NELL1: variants seen among roughly 807,000 people sequenced by gnomAD.
The protein encoded by NELL1 is neural EGFL like 1.
NELL1 carries 76 observed loss-of-function variants against 107.4 expected under a neutral mutation model. The ratio of observed to expected loss-of-function variants is 0.71; its 90% confidence interval spans 0.59 to 0.86. The LOEUF is 0.86. Ranked by LOEUF, NELL1 falls within the 40% of genes least tolerant of loss-of-function variation. NELL1 has a pLI of 0.00. For synonymous variants in NELL1, 353 were observed against 341.2 expected, an observed-to-expected ratio of 1.03 and a Z score of -0.38; for missense variants, 1,024 against 1,005.5, an observed-to-expected ratio of 1.02 and a Z score of -0.25.
At chr11:20,818,387 A>G (rs1406980967) in intron 3 of NELL1, among the ~76,000 whole-genome samples, 2 of 144,488 alleles carry the variant, frequency 1.4e-5, no homozygotes, top group South Asian at 2.2e-4. Context: ...TTCATCCCAT[A>G]TAAGAGAAGC....
chr11:20,702,401 G>T (rs7480673), intron 2 of NELL1, among the ~76,000 whole-genome samples: 9 of 152,204 alleles, frequency 5.9e-5, no homozygotes, highest in Non-Finnish European at 1.2e-4. Flanking sequence ...AGCTTAAGGA[G>T]ATTTTGGGCT....
intron 1 of NELL1, among the ~76,000 whole-genome samples, chr11:20,675,599 A>G (rs1319120666): frequency 6.6e-6 from 1 of 152,094 alleles, no homozygotes; most frequent in Non-Finnish European, 1.5e-5. Flanking sequence ...ATTCCTGGCC[A>G]GAGAAACACC....
At chr11:21,529,001 AGGGTCTC>A (rs1429095424) in intron 15 of NELL1, among the ~76,000 whole-genome samples, 1 of 151,130 alleles carries the variant, frequency 6.6e-6, no homozygotes, top group Non-Finnish European at 1.5e-5. Context: ...AATATGGAAA[AGGGTCTC>A]TCATAATAAT....
At chr11:20,783,607 A>G (rs781420231) in intron 2 of NELL1, 73 bp from the exon 3 acceptor site, 35 of 1,073,476 alleles carry the variant, frequency 3.3e-5, no homozygotes, top group African/African-American at 2.1e-4. Context: ...TCTTTCTCCT[A>G]TATTTCTTCT....
chr11:21,313,228 A>G (rs1849789138), intron 14 of NELL1, among the ~76,000 whole-genome samples: 1 of 152,146 alleles, frequency 6.6e-6, no homozygotes, highest in Non-Finnish European at 1.5e-5. Flanking sequence ...TGATCTGTTG[A>G]ATCTATCAGC....
chr11:20,771,106 T>C (rs2564782), intron 2 of NELL1, among the ~76,000 whole-genome samples: 1 of 152,016 alleles, frequency 6.6e-6, no homozygotes, highest in East Asian at 1.9e-4. Context: ...AGTGCAGGCT[T>C]CTGCAATGCA....
In NELL1 at chr11:21,126,114, T is replaced by C. The variant is rs1019620374; in HGVS notation, c.1426+12400T>C. ...GAACTTGTCTACAGCTGTAGGCTAG[T>C]TGGTGGTGAGGCAGAGATAGGAAAG... On this transcript the variant is annotated intron_variant, in intron 13 of 19. Coordinates refer to ENST00000357134, the MANE Select transcript of NELL1 (RefSeq NM_006157.5). 5.9e-5 allele frequency among the ~76,000 whole-genome samples: 9 copies of C among 152,240 alleles called. No homozygotes were observed. The East Asian group carries it at 1.7e-3, about 29-fold the overall frequency.
At chr11:21,559,653 A>G (rs993008296) in intron 16 of NELL1, among the ~76,000 whole-genome samples, 3 of 152,024 alleles carry the variant, frequency 2.0e-5, no homozygotes, top group African/African-American at 4.8e-5. Context: ...ACTTCCTTCA[A>G]CTTTGGTGGT....
intron 13 of NELL1, among the ~76,000 whole-genome samples, chr11:21,176,366 T>C (rs1459409956): frequency 1.3e-5 from 2 of 151,820 alleles, no homozygotes. Flanking sequence ...GAGACATTTA[T>C]TTCCAGAGCC....
At chr11:20,865,620 C>T (rs1849081919) in intron 4 of NELL1, among the ~76,000 whole-genome samples, 1 of 152,060 alleles carries the variant, frequency 6.6e-6, no homozygotes, top group South Asian at 2.1e-4. Context: ...GTATCTATTC[C>T]CCTGTCTTCT....
intron 5 of NELL1, among the ~76,000 whole-genome samples, chr11:20,888,365 C>T (rs911721813): frequency 3.3e-5 from 5 of 151,294 alleles, no homozygotes; most frequent in Admixed American, 2.0e-4. Flanking sequence ...TGTTCTGATG[C>T]CTCTATGTTT....
chr11:20,733,845 C>T (rs982739245), intron 2 of NELL1, among the ~76,000 whole-genome samples: 6 of 152,098 alleles, frequency 3.9e-5, no homozygotes, highest in South Asian at 2.1e-4. Flanking sequence ...GGGACTATAA[C>T]AAGAAAAGGG....
chr11:20,880,217 G>A (rs1447653867), intron 4 of NELL1, among the ~76,000 whole-genome samples: 1 of 152,154 alleles, frequency 6.6e-6, no homozygotes, highest in Non-Finnish European at 1.5e-5. Context: ...TAAATTCAAA[G>A]CATAAGTAAG....
intron 12 of NELL1, among the ~76,000 whole-genome samples, chr11:21,089,176 T>A (rs1854466640): frequency 6.6e-6 from 1 of 152,180 alleles, no homozygotes; most frequent in South Asian, 2.1e-4. Context: ...TAATTCAGTG[T>A]CTATCCTGAG....
intron 3 of NELL1, among the ~76,000 whole-genome samples, chr11:20,809,067 C>T (rs7936777): frequency 0.027 from 4,065 of 152,160 alleles, 186 homozygotes; most frequent in African/African-American, 0.093. Context: ...GGCTTCTATT[C>T]GGTCATCTTG....
At chr11:21,251,591 C>A (rs977129990) in intron 14 of NELL1, among the ~76,000 whole-genome samples, 12 of 151,894 alleles carry the variant, frequency 7.9e-5, no homozygotes, top group African/African-American at 2.9e-4. Context: ...TGGGACAGGG[C>A]AGCACTAGAT....
intron 7 of NELL1, among the ~76,000 whole-genome samples, chr11:20,922,651 T>C (rs1850404911): frequency 6.6e-6 from 1 of 152,164 alleles, no homozygotes; most frequent in Admixed American, 6.5e-5. Context: ...TTTGGAGTTT[T>C]GATTTGAGTT....
At chr11:21,328,591 C>A (rs1356650290) in intron 14 of NELL1, among the ~76,000 whole-genome samples, 1 of 152,140 alleles carries the variant, frequency 6.6e-6, no homozygotes, top group African/African-American at 2.4e-5. Context: ...GTTCTCCTGA[C>A]TCCAGAATGG....
chr11:20,874,729 G>A (rs542513283), intron 4 of NELL1, among the ~76,000 whole-genome samples: 5 of 152,210 alleles, frequency 3.3e-5, no homozygotes, highest in African/African-American at 1.2e-4. Context: ...CCTTCCCTCT[G>A]TATACTATAG....
Sources: allele counts gnomAD v4.1 joint callset (sites outside exome capture counted in the v4.1 genomes callset), GRCh38; gene constraint gnomAD v4.1.1; transcripts MANE v1.5; gene names NCBI Gene and HGNC (gene_info 2026-07-23, HGNC 2026-07-21).